PDE3B: variants seen among roughly 807,000 people sequenced by gnomAD.
The protein encoded by PDE3B is cGMP-inhibited 3',5'-cyclic phosphodiesterase 3B.
A neutral mutation model predicts 116.8 loss-of-function variants in PDE3B; 66 were observed. The observed-to-expected ratio is 0.56, with a 90% CI of 0.46 to 0.69. The LOEUF (loss-of-function observed/expected upper bound fraction) is 0.69. Among genes scored for constraint, PDE3B ranks in the 30% least tolerant of loss-of-function variants. PDE3B has a pLI of 0.00. For synonymous variants in PDE3B, 595 were observed against 533.6 expected, an observed-to-expected ratio of 1.12 and a Z score of -1.59; for missense variants, 1,384 against 1,368.1, an observed-to-expected ratio of 1.01 and a Z score of -0.18.
intron 1 of PDE3B, among the ~76,000 whole-genome samples, chr11:14,731,680 A>G (rs1028452808): frequency 2.0e-5 from 3 of 152,200 alleles, no homozygotes; most frequent in African/African-American, 7.2e-5. Flanking sequence ...TTTAGTTCTC[A>G]CAGAGAAACT....
At chr11:14,875,687 C>G (rs1555009610), downstream of PDE3B, among the ~76,000 whole-genome samples, 1 of 152,072 alleles carries the variant, frequency 6.6e-6, no homozygotes, top group Non-Finnish European at 1.5e-5. Flanking sequence ...TGAAAAACAG[C>G]CTTATAAATA....
At chr11:14,719,044 AAG>A (rs1856015178) in intron 1 of PDE3B, among the ~76,000 whole-genome samples, 1 of 112,896 alleles carries the variant, frequency 8.9e-6, no homozygotes, top group African/African-American at 3.6e-5. Flanking sequence ...TAAAGAAAAA[AAG>A]AGAGGAGAAT....
chr11:14,854,563 G>A (rs1358895822), intron 12 of PDE3B, among the ~76,000 whole-genome samples: 2 of 151,746 alleles, frequency 1.3e-5, no homozygotes, highest in African/African-American at 2.4e-5. Flanking sequence ...CTGTTGCCAG[G>A]CTGGAGTGCA....
chr11:14,766,411 T>C (rs1300919807), intron 1 of PDE3B, among the ~76,000 whole-genome samples: 4 of 151,758 alleles, frequency 2.6e-5, no homozygotes, highest in African/African-American at 9.7e-5. Context: ...CTGAGTCACT[T>C]GCTAAGTTGA....
In PDE3B at chr11:14,871,413, A is replaced by G. The variant is rs1329909762; in HGVS notation, c.*1753A>G. 1 of 152,100 alleles carries G rather than the reference A, an allele frequency of 6.6e-6. No individual in the cohort carries two copies. The highest frequency in any genetic ancestry group is 1.5e-5 in the Non-Finnish European group (1 of 67,996). The allele number at this position is 152,100 out of a possible 1,614,324, so 9.4% of individuals were successfully genotyped here. A position where few individuals can be genotyped will look rare whatever the true frequency, so the allele number is the denominator to read the frequency against. ...ATATATCCTGTCCTTATATTTCTCT[A>G]GAGTACATTTTCCATCATGTTTAAG... On this transcript the variant is annotated 3_prime_UTR_variant, in exon 16 of 16. Coordinates refer to ENST00000282096, the MANE Select transcript of PDE3B (RefSeq NM_000922.4).
At chr11:14,739,395 C>G (rs565718223) in intron 1 of PDE3B, among the ~76,000 whole-genome samples, 1 of 66,548 alleles carries the variant, frequency 1.5e-5, no homozygotes, top group African/African-American at 3.2e-5. Flanking sequence ...CATGATTTGG[C>G]TCTCTGTTTG....
chr11:14,887,660 CTT>C, the PDE3B span: 1 of 985,074 alleles, frequency 1.0e-6, no homozygotes, highest in Non-Finnish European at 1.2e-6. Flanking sequence ...CTTCAAGTCT[CTT>C]TCCCTCACCC....
intron 1 of PDE3B, among the ~76,000 whole-genome samples, chr11:14,712,626 C>T (rs887112957): frequency 5.9e-5 from 9 of 152,024 alleles, no homozygotes; most frequent in Non-Finnish European, 1.3e-4. Context: ...AGGTGCACAG[C>T]ACCACACCCA....
chr11:14,796,115 A>G (rs1353165256), intron 4 of PDE3B, among the ~76,000 whole-genome samples: 3 of 152,034 alleles, frequency 2.0e-5, no homozygotes, highest in African/African-American at 7.3e-5. Flanking sequence ...TATGAGTGAG[A>G]ACATGTGGTG....
At chr11:14,661,489 C>T (rs945443099) in intron 1 of PDE3B, among the ~76,000 whole-genome samples, 9 of 152,304 alleles carry the variant, frequency 5.9e-5, no homozygotes, top group Non-Finnish European at 1.0e-4. Context: ...GTGCACGAGC[C>T]GAAGCAGGGT....
intron 12 of PDE3B, among the ~76,000 whole-genome samples, chr11:14,851,058 C>T (rs4283008): frequency 0.13 from 19,779 of 149,090 alleles, 1,471 homozygotes; most frequent in African/African-American, 0.2. Context: ...CTCTTGACCT[C>T]GTGATCCGTC....
Position 14,725,627 on chromosome 11 carries a change from T to C in PDE3B, c.979-46310T>C, listed in dbSNP as rs143266022. On this transcript the variant is annotated intron_variant, in intron 1 of 15. Transcript: ENST00000282096. The stretch of plus-strand genomic sequence containing the variant: ...CCCTCTCCTGTTCTCTCCTCTCCTT[T>C]CCTTTCCTTTTTCTCTCTCTCTTTC... Among the ~76,000 whole-genome samples, 3 of 134,496 alleles carry C rather than the reference T, an allele frequency of 2.2e-5. No homozygotes were observed. In the East Asian group the frequency reaches 6.9e-4, roughly 31 times the overall value. The allele number at this position is 134,496 out of a possible 152,430, so 88.2% of individuals were successfully genotyped here.
At chr11:14,716,178 G>A (rs1013899238) in intron 1 of PDE3B, among the ~76,000 whole-genome samples, 1 of 152,112 alleles carries the variant, frequency 6.6e-6, no homozygotes, top group Non-Finnish European at 1.5e-5. Flanking sequence ...TGGAAAATCG[G>A]GTCACTCCCA....
intron 1 of PDE3B, among the ~76,000 whole-genome samples, chr11:14,672,027 A>AT (rs1248836172): frequency 1.6e-3 from 188 of 118,924 alleles, no homozygotes; most frequent in African/African-American, 5.2e-3. Context: ...GAAAAAAAAA[A>AT]AATATATATA....
intron 4 of PDE3B, among the ~76,000 whole-genome samples, chr11:14,801,416 C>T (rs1437616888): frequency 6.6e-6 from 1 of 152,192 alleles, no homozygotes; most frequent in African/African-American, 2.4e-5. Flanking sequence ...CTGCAGTTTG[C>T]TGGAGGTCCA....
chr11:14,869,518 C>T lies in PDE3B; in HGVS notation c.3197C>T (p.Thr1066Ile). The T allele has an allele frequency of 1.2e-6, 2 of 1,613,292 alleles. No homozygotes were observed. Among genetic ancestry groups the T allele is most frequent in the Admixed American group, 1.7e-5 (1 of 59,914 alleles). ...RIFCQLMHHL[T>I]ENHKIWKEIV... ...TTTTGTCAGCTAATGCACCACCTCA[C>T]TGAAAACCACAAGATATGGAAGGAA... is the stretch of plus-strand genomic sequence containing the variant. Residue 1066 changes from threonine (T) to isoleucine (I), a missense_variant, in exon 16 of 16, where the codon ACT becomes ATT. Thr to Ile is a moderately conservative substitution (Grantham distance 89, BLOSUM62 -1). This residue lies in a region of PDE3B where 428 missense variants were observed against 561.4 expected (regional missense o/e 0.76). Transcript: ENST00000282096.
chr11:14,846,947 C>G (rs991855220), intron 12 of PDE3B, among the ~76,000 whole-genome samples: 2 of 152,120 alleles, frequency 1.3e-5, no homozygotes, highest in African/African-American at 4.8e-5. Context: ...AGAAAGTTAA[C>G]AAGGATACCC....
At chr11:14,877,088 T>C in the PDE3B span, among the ~76,000 whole-genome samples, 1 of 152,164 alleles carries the variant, frequency 6.6e-6, no homozygotes, top group Non-Finnish European at 1.5e-5. Flanking sequence ...TACAAGAGCA[T>C]GTACCTGTAA....
downstream of PDE3B, among the ~76,000 whole-genome samples, chr11:14,873,303 C>A (rs1848162127): frequency 6.6e-6 from 1 of 152,152 alleles, no homozygotes. Context: ...TTACCTGATA[C>A]ATGAATCTAG....
Sources: gnomAD v4.1 joint callset for allele counts (sites outside exome capture counted in the v4.1 genomes callset) on GRCh38, gnomAD v4.1.1 for gene constraint, gnomAD v4.1.1 regional missense constraint, MANE v1.5 for transcripts, NCBI Gene and HGNC (gene_info 2026-07-23, HGNC 2026-07-21) for gene names.